The following IGSF10 variants were observed in gnomAD, a reference collection of about 807,000 sequenced individuals.
IGSF10 encodes calvaria mechanical force protein 608.
A neutral mutation model predicts 128.2 loss-of-function variants in IGSF10; 126 were observed. The ratio of observed to expected loss-of-function variants is 0.98; its 90% CI spans 0.85 to 1.14. The LOEUF is 1.14. Among genes scored for constraint, IGSF10 ranks in the 50% most tolerant of loss-of-function variants. The pLI, the probability that IGSF10 is intolerant of heterozygous loss-of-function variation, is 0.00. For synonymous variants in IGSF10, 1,185 were observed against 1,146.2 expected (o/e 1.03, Z -0.68); for missense variants, 3,295 against 3,149.8 (o/e 1.05, Z -1.10).
the IGSF10 span, among the ~76,000 whole-genome samples, chr3:151,478,731 G>A: frequency 6.6e-6 from 1 of 152,122 alleles, no homozygotes; most frequent in Admixed American, 6.5e-5. Context: ...CATTTGAGAA[G>A]AAGGATAAAC....
the IGSF10 span, among the ~76,000 whole-genome samples, chr3:151,545,537 C>G: frequency 1.3e-5 from 2 of 152,198 alleles, no homozygotes; most frequent in Non-Finnish European, 1.5e-5. Flanking sequence ...TTCTGTGGTA[C>G]TTTTGACCAT....
chr3:151,513,667 G>C, the IGSF10 span, among the ~76,000 whole-genome samples: 1 of 152,198 alleles, frequency 6.6e-6, no homozygotes, highest in Admixed American at 6.5e-5. Context: ...ACTAGGAAAA[G>C]AGGAAGTCAA....
upstream of IGSF10, chr3:151,461,402 T>A (rs1442935484): frequency 1.0e-6 from 1 of 985,158 alleles, no homozygotes; most frequent in South Asian, 4.7e-5. Flanking sequence ...ATTTGAAGGC[T>A]AAGTTAGCGT....
At chr3:151,504,475 G>A in the IGSF10 span, among the ~76,000 whole-genome samples, 8 of 152,086 alleles carry the variant, frequency 5.3e-5, no homozygotes, top group Middle Eastern at 3.4e-3. Flanking sequence ...TTTTGCTTAT[G>A]GTCAATAATC....
the IGSF10 span, among the ~76,000 whole-genome samples, chr3:151,619,600 AC>A: frequency 6.6e-6 from 1 of 151,996 alleles, no homozygotes; most frequent in African/African-American, 2.4e-5. Flanking sequence ...TTTATGATTA[AC>A]CCCAAATATT....
chr3:151,490,268 T>G, the IGSF10 span, among the ~76,000 whole-genome samples: 1 of 152,138 alleles, frequency 6.6e-6, no homozygotes, highest in Non-Finnish European at 1.5e-5. Flanking sequence ...AGTCAAAAAC[T>G]GACAAGAAAC....
the IGSF10 span, among the ~76,000 whole-genome samples, chr3:151,490,367 C>G: frequency 6.6e-6 from 1 of 152,066 alleles, no homozygotes; most frequent in African/African-American, 2.4e-5. Flanking sequence ...ATTGTAGAAC[C>G]TAAATGTATA....
At chr3:151,467,886 A>AAAAAAAG in the IGSF10 span, among the ~76,000 whole-genome samples, 960 of 151,928 alleles carry the variant, frequency 6.3e-3, 11 homozygotes, top group African/African-American at 0.022. Context: ...CATCTCAAAA[A>AAAAAAAG]AAAAAAGAAA....
chr3:151,437,871 C>T lies in IGSF10; in HGVS notation c.6690G>A (p.Val2230=). The T allele has an allele frequency of 6.2e-7, 1 of 1,614,010 alleles. No individual in the cohort carries two copies. The highest frequency in any genetic ancestry group is 8.5e-7 in the Non-Finnish European group (1 of 1,179,922). ...GDDTKMYKLD[V]VSKPPLINGL... is the part of the protein sequence containing the mutation. ...CATTGATTAATGGAGGTTTAGAGAC[C>T]ACATCCAGTTTGTACATTTTGGTGT... The change falls in exon 8 of 8, where the codon GTG becomes GTA. Residue 2230 remains valine, a synonymous_variant. Transcript: ENST00000282466.
chr3:151,577,508 T>C, the IGSF10 span, among the ~76,000 whole-genome samples: 16 of 152,348 alleles, frequency 1.1e-4, no homozygotes, highest in Admixed American at 4.6e-4. Context: ...GTATACCTAA[T>C]TATGACTTAT....
chr3:151,436,783 T>C lies in IGSF10; in HGVS notation c.7778A>G (p.Gln2593Arg), dbSNP rs368547825. 6.2e-7 allele frequency: 1 copy of C among 1,614,178 alleles called. No homozygotes were observed. The highest frequency in any genetic ancestry group is 8.5e-7 in the Non-Finnish European group (1 of 1,180,016). ...CCCAGAATCGGAGGTTTGGGGATTC[T>C]GAATGACTAGGGTACCTTGTAAGTG... ...QLHLQGTLVI[Q>R]NPQTSDSGIY... The change falls in exon 8 of 8, where the codon CAG (glutamine) becomes CGG (arginine). Residue 2593 changes from glutamine (Q) to arginine (R), a missense_variant. By Grantham distance (43) the Gln-to-Arg change is conservative (BLOSUM62 1). Transcript: ENST00000282466.
At chr3:151,589,896 A>T in the IGSF10 span, among the ~76,000 whole-genome samples, 5 of 152,200 alleles carry the variant, frequency 3.3e-5, no homozygotes, top group Admixed American at 6.5e-5. Context: ...AAAACTTATG[A>T]TGTGTTTTTT....
upstream of IGSF10, among the ~76,000 whole-genome samples, chr3:151,464,581 G>T (rs543106773): frequency 6.6e-6 from 1 of 152,264 alleles, no homozygotes; most frequent in Admixed American, 6.5e-5. Flanking sequence ...AACAAGCTAT[G>T]AATTTTAAAA....
chr3:151,584,442 T>A, the IGSF10 span, among the ~76,000 whole-genome samples: 1 of 152,214 alleles, frequency 6.6e-6, no homozygotes, highest in Non-Finnish European at 1.5e-5. Flanking sequence ...GCTCACCATA[T>A]TAATAATGCT....
At chr3:151,559,630 CAAAT>C in the IGSF10 span, among the ~76,000 whole-genome samples, 2 of 151,874 alleles carry the variant, frequency 1.3e-5, no homozygotes, top group Non-Finnish European at 2.9e-5. Context: ...TAATCAGAGT[CAAAT>C]AAAAGAATTT....
At chr3:151,449,769 A>G (rs1432299724) in intron 5 of IGSF10, among the ~76,000 whole-genome samples, 1 of 152,244 alleles carries the variant, frequency 6.6e-6, no homozygotes, top group Admixed American at 6.5e-5. Context: ...ATTATCCAAA[A>G]GAATATTGAC....
At chr3:151,458,850 A>G in intron 2 of IGSF10, 140 bp from the exon 3 acceptor site, 1 of 637,366 alleles carries the variant, frequency 1.6e-6, no homozygotes. Context: ...TTGTGGTCAT[A>G]TGCACTCTTT....
chr3:151,436,064 G>GTATT (rs1484813217), downstream of IGSF10: 7 of 152,252 alleles, frequency 4.6e-5, 1 homozygote, highest in South Asian at 1.2e-3. Flanking sequence ...TGATGTGCAG[G>GTATT]TATTACATTG....
At chr3:151,590,185 C>T in the IGSF10 span, among the ~76,000 whole-genome samples, 20 of 152,002 alleles carry the variant, frequency 1.3e-4, no homozygotes, top group African/African-American at 3.4e-4. Context: ...ACTACAGACG[C>T]GTGCCACCAC....
Sources: gnomAD v4.1 joint callset for allele counts (sites outside exome capture counted in the v4.1 genomes callset) on GRCh38, gnomAD v4.1.1 for gene constraint, MANE v1.5 for transcripts, NCBI Gene and HGNC (gene_info 2026-07-23, HGNC 2026-07-21) for gene names.